CSNK1G1: variants seen among roughly 807,000 people sequenced by gnomAD.
CSNK1G1 encodes the protein casein kinase 1 gamma 1, also known as casein kinase I isoform gamma-1.
CSNK1G1 carries 22 observed loss-of-function variants against 59.6 expected under a neutral mutation model. The observed-to-expected ratio is 0.37, with a 90% CI of 0.26 to 0.53. CSNK1G1 has a LOEUF of 0.53. CSNK1G1 is among the 20% of genes least tolerant of loss of function. The pLI is 0.89. For synonymous variants in CSNK1G1, 179 were observed against 177.1 expected, an observed-to-expected ratio of 1.01 and a Z score of -0.08; for missense variants, 384 against 519.5, an observed-to-expected ratio of 0.74 and a Z score of 2.54.
intron 6 of CSNK1G1, among the ~76,000 whole-genome samples, chr15:64,212,999 A>G (rs1302769035): frequency 6.6e-6 from 1 of 152,184 alleles, no homozygotes; most frequent in Non-Finnish European, 1.5e-5. Flanking sequence ...GAGCGAGACT[A>G]CATCTCAAAA....
chr15:64,297,649 A>T (rs1895099059), intron 2 of CSNK1G1, among the ~76,000 whole-genome samples: 1 of 151,926 alleles, frequency 6.6e-6, no homozygotes, highest in Non-Finnish European at 1.5e-5. Flanking sequence ...GTGAGCTATG[A>T]TCATGCCACT....
chr15:64,166,307 A>G lies in CSNK1G1; in HGVS notation c.*5624T>C, dbSNP rs980844320. 11 of 307,600 alleles carry G rather than the reference A, an allele frequency of 3.6e-5. No homozygotes were observed. The highest frequency in any genetic ancestry group is 5.0e-5 in the Admixed American group (1 of 20,034). 19.1% of individuals were successfully genotyped at this position (307,600 alleles called of 1,614,324 possible). The stretch of plus-strand genomic sequence containing the variant: ...ATCCTATGGGAATTGCTGAATCAAC[A>G]TTATTTTCCATTGGGGGGTATATAT... On this transcript the variant is annotated 3_prime_UTR_variant, in exon 12 of 12. Transcript: ENST00000303052. The surrounding 1 kb of genome is among the most constrained non-coding windows in gnomAD (Gnocchi z 4.5).
rs145193937 is a variant in CSNK1G1 at position 64,288,081 on chromosome 15, T to C, written c.181+12238A>G. Among the ~76,000 whole-genome samples the C allele has an allele frequency of 8.5e-5, 13 of 152,318 alleles. No individual in the cohort carries two copies. In the East Asian group the frequency reaches 2.5e-3, roughly 29 times the overall value. On this transcript the variant is annotated intron_variant, in intron 2 of 11. Transcript: ENST00000303052. ...CCTAATATCATGACAAATTTTTTAA[T>C]TGTTGGACTTGAGGAAAAAAAATTA...
intron 1 of CSNK1G1, among the ~76,000 whole-genome samples, chr15:64,312,576 C>G (rs975519626): frequency 1.7e-4 from 26 of 152,130 alleles, no homozygotes; most frequent in Non-Finnish European, 3.5e-4. Flanking sequence ...AACAGGACCC[C>G]TTTCTTACAC....
chr15:64,203,175 C>T lies in CSNK1G1; in HGVS notation c.1014G>A (p.Gly338=). 1 of 1,613,602 alleles carries T rather than the reference C, an allele frequency of 6.2e-7. No individual in the cohort carries two copies. The highest frequency in any genetic ancestry group is 2.2e-5 in the East Asian group (1 of 44,874). Residue 338 remains glycine, a synonymous_variant, in exon 10 of 12, where the codon GGG becomes GGA. Coordinates refer to ENST00000303052, the MANE Select transcript of CSNK1G1 (RefSeq NM_022048.5). The stretch of plus-strand genomic sequence containing the variant: ...ATGCACCAGAATCTACGTGAACTGA[C>T]CCTACTGGAGTAGGCTAGAAAAATG... ...WVGRPIPTPV[G]SVHVDSGASA...
rs2082309753 is a variant in CSNK1G1 at position 64,216,194 on chromosome 15, T to C, written c.444+368A>G. ...GAGCTATGATCATGCTACTGTACTC[T>C]AGCCTGGGTGACAGAGACCCTGTCT... On this transcript the variant is annotated intron_variant, in intron 5 of 11. Coordinates refer to ENST00000303052, the MANE Select transcript of CSNK1G1 (RefSeq NM_022048.5). The surrounding 1 kb of genome is among the most constrained non-coding windows in gnomAD (Gnocchi z 4.6). Among the ~76,000 whole-genome samples, 1 of 152,074 alleles carries C rather than the reference T, an allele frequency of 6.6e-6. No individual in the cohort carries two copies. The highest frequency in any genetic ancestry group is 2.4e-5 in the African/African-American group (1 of 41,412).
At chr15:64,237,757 C>T (rs865941504) in intron 4 of CSNK1G1, among the ~76,000 whole-genome samples, 7 of 152,200 alleles carry the variant, frequency 4.6e-5, no homozygotes, top group African/African-American at 1.4e-4. Context: ...CAGAACCATG[C>T]TCCTGTTAAT....
At chr15:64,213,772 C>T in intron 6 of CSNK1G1, 118 bp downstream of exon 6, 3 of 722,600 alleles carry the variant, frequency 4.2e-6, no homozygotes, top group South Asian at 1.8e-5. Context: ...ATAAAAATCA[C>T]TCAACCTTGT....
At chr15:64,349,798 A>G (rs1324773864) in intron 1 of CSNK1G1, among the ~76,000 whole-genome samples, 1 of 151,932 alleles carries the variant, frequency 6.6e-6, no homozygotes, top group African/African-American at 2.4e-5. Context: ...AAATGAACCT[A>G]GCATGGTGGT....
Position 64,258,738 on chromosome 15 carries a change from T to C in CSNK1G1, c.222+463A>G, listed in dbSNP as rs1566922801. Among the ~76,000 whole-genome samples the C allele has an allele frequency of 4.6e-5, 7 of 152,204 alleles. No homozygotes were observed. The South Asian group carries it at 1.4e-3, about 31-fold the overall frequency. On this transcript the variant is annotated intron_variant, in intron 3 of 11. Transcript: ENST00000303052. The stretch of plus-strand genomic sequence containing the variant: ...GTTAGTACTAATATACCAATTGACT[T>C]CTTTGCTTCTAATATGACCATATGG...
intron 2 of CSNK1G1, among the ~76,000 whole-genome samples, chr15:64,274,541 CACA>C (rs1893501531): frequency 6.6e-6 from 1 of 152,130 alleles, no homozygotes; most frequent in East Asian, 1.9e-4. Flanking sequence ...GCACAAAATC[CACA>C]ACGCTTCCCA....
At chr15:64,267,256 CAAAAA>C (rs199581105) in intron 2 of CSNK1G1, among the ~76,000 whole-genome samples, 1 of 61,830 alleles carries the variant, frequency 1.6e-5, no homozygotes, top group Non-Finnish European at 3.7e-5. Context: ...GACCTTATCT[CAAAAA>C]AAAAAAAAAA....
intron 3 of CSNK1G1, among the ~76,000 whole-genome samples, chr15:64,258,215 C>T (rs1418317918): frequency 6.6e-6 from 1 of 151,870 alleles, no homozygotes; most frequent in African/African-American, 2.4e-5. Flanking sequence ...CCCATCTCTA[C>T]AAAAAATACA....
intron 1 of CSNK1G1, among the ~76,000 whole-genome samples, chr15:64,317,170 C>T (rs1896319115): frequency 6.6e-6 from 1 of 152,146 alleles, no homozygotes; most frequent in South Asian, 2.1e-4. Flanking sequence ...CTCACTGCAA[C>T]CTCCGCCTCC....
At chr15:64,322,615 G>C (rs1449532067) in intron 1 of CSNK1G1, among the ~76,000 whole-genome samples, 1 of 152,006 alleles carries the variant, frequency 6.6e-6, no homozygotes, top group African/African-American at 2.4e-5. Flanking sequence ...AGTAATTCAA[G>C]ACCAGCCTGG....
chr15:64,294,773 G>A (rs550237670), intron 2 of CSNK1G1, among the ~76,000 whole-genome samples: 3 of 151,542 alleles, frequency 2.0e-5, no homozygotes, highest in Admixed American at 6.6e-5. Context: ...TTAGCTGGGC[G>A]TTGTGGCAGG....
chr15:64,180,270 G>A (rs779511594), intron 11 of CSNK1G1, 78 bp downstream of exon 11: 38 of 1,040,780 alleles, frequency 3.7e-5, no homozygotes, highest in African/African-American at 2.2e-4. Context: ...AGTCTGAGAC[G>A]AGCAGCACAC....
At chr15:64,228,062 C>T (rs1017885193) in intron 4 of CSNK1G1, among the ~76,000 whole-genome samples, 41 of 152,172 alleles carry the variant, frequency 2.7e-4, no homozygotes, top group African/African-American at 9.7e-4. Flanking sequence ...TTGTCCTACT[C>T]ACCCTTTTGG....
intron 7 of CSNK1G1, among the ~76,000 whole-genome samples, 187 bp downstream of exon 7, chr15:64,207,322 G>A (rs996275150): frequency 1.3e-5 from 2 of 152,084 alleles, no homozygotes; most frequent in Non-Finnish European, 2.9e-5. Context: ...TCACTATGTT[G>A]CTGATCTCAA....
Sources: allele counts gnomAD v4.1 joint callset (sites outside exome capture counted in the v4.1 genomes callset), GRCh38; gene constraint gnomAD v4.1.1; non-coding constraint Gnocchi (gnomAD v3.1); transcripts MANE v1.5; gene names NCBI Gene and HGNC (gene_info 2026-07-23, HGNC 2026-07-21).